Variants in ARAP2 observed in about 807,000 individuals in gnomAD.
ARAP2 encodes ArfGAP with RhoGAP domain, ankyrin repeat and PH domain 2.
ARAP2 carries 148 observed loss-of-function variants against 194.5 expected under a neutral mutation model. The observed-to-expected ratio is 0.76, with a 90% CI of 0.67 to 0.87. ARAP2 has a LOEUF of 0.87. Among genes scored for constraint, ARAP2 ranks in the 40% least tolerant of loss-of-function variants. ARAP2 has a pLI of 0.00. For synonymous variants in ARAP2, 695 were observed against 683.5 expected (o/e 1.02, Z -0.26); for missense variants, 2,128 against 1,989.7 (o/e 1.07, Z -1.32).
At chr4:36,062,748 A>G (rs569484038), downstream of ARAP2, among the ~76,000 whole-genome samples, 1 of 152,214 alleles carries the variant, frequency 6.6e-6, no homozygotes, top group East Asian at 1.9e-4. Flanking sequence ...TTAACTCATA[A>G]AAAGGGTTAA....
Position 36,164,949 on chromosome 4 carries a change from A to C in ARAP2, c.2138T>G (p.Ile713Ser). ...CKAPDPDWAS[I>S]NLCVVICKKC... ...CTTACAGATGACAACACAGAGATTGATGGATGCCCAGTCAGGATCTGGGGC... is the reference window on the plus strand; with the variant it reads ...CTTACAGATGACAACACAGAGATTGCTGGATGCCCAGTCAGGATCTGGGGC... The change falls in exon 11 of 33, where the codon ATC becomes AGC. Residue 713 changes from isoleucine to serine, a missense_variant. Coordinates refer to ENST00000303965, the MANE Select transcript of ARAP2 (RefSeq NM_015230.4). 7.4e-6 allele frequency: 12 copies of C among 1,614,092 alleles called. No homozygotes were observed. Among genetic ancestry groups the C allele is most frequent in the Non-Finnish European group, 1.0e-5 (12 of 1,179,942 alleles).
intron 6 of ARAP2, among the ~76,000 whole-genome samples, chr4:36,202,063 C>A (rs754731216): frequency 1.2e-4 from 18 of 152,154 alleles, no homozygotes; most frequent in Non-Finnish European, 2.2e-4. Context: ...GTTCCAGATT[C>A]ATCTGCCTTG....
At chr4:36,115,103 G>C (rs572670057) in intron 25 of ARAP2, among the ~76,000 whole-genome samples, 46 of 152,038 alleles carry the variant, frequency 3.0e-4, no homozygotes, top group African/African-American at 1.1e-3. Flanking sequence ...CTTTAGAAAT[G>C]TATTTGTTTC....
At position 36,150,176 on chromosome 4, in the gene ARAP2, CTAAA is replaced by C. The variant is rs758726248; in HGVS notation, c.2897+720_2897+723del. Among the ~76,000 whole-genome samples, 11 of 152,272 alleles carry C rather than the reference CTAAA, an allele frequency of 7.2e-5. No individual in the cohort carries two copies. The East Asian group carries it at 1.9e-3, about 27-fold the overall frequency. ...AGAAATTTAGCATTTCAATATGCTA[CTAAA>C]TATTGTTTATTTTAATGTGAACAGA... On this transcript the variant is annotated intron_variant, in intron 16 of 32. Coordinates refer to ENST00000303965, the MANE Select transcript of ARAP2 (RefSeq NM_015230.4).
At chr4:36,217,017 C>G (rs1748074252) in intron 2 of ARAP2, among the ~76,000 whole-genome samples, 1 of 152,178 alleles carries the variant, frequency 6.6e-6, no homozygotes. Context: ...CATATTCTAT[C>G]TTATTCTATA....
At chr4:36,172,977 G>A (rs1177825380) in intron 9 of ARAP2, among the ~76,000 whole-genome samples, 1 of 152,118 alleles carries the variant, frequency 6.6e-6, no homozygotes, top group Admixed American at 6.5e-5. Context: ...TCCCATGCCA[G>A]AACACCAGGG....
intron 31 of ARAP2, among the ~76,000 whole-genome samples, chr4:36,078,031 G>A (rs979220883): frequency 6.6e-6 from 1 of 151,964 alleles, no homozygotes; most frequent in Non-Finnish European, 1.5e-5. Context: ...CTCCTTACCT[G>A]CCATATTTTA....
At chr4:36,219,587 T>C (rs1007397738) in intron 2 of ARAP2, among the ~76,000 whole-genome samples, 5 of 152,310 alleles carry the variant, frequency 3.3e-5, no homozygotes, top group African/African-American at 1.2e-4. Flanking sequence ...TTAATTGTTA[T>C]AGTGGTCACA....
chr4:36,208,744 C>A (rs547224407), intron 6 of ARAP2, among the ~76,000 whole-genome samples: 4 of 151,628 alleles, frequency 2.6e-5, no homozygotes, highest in Non-Finnish European at 5.9e-5. Context: ...AATATAATCA[C>A]GTAGAAGTGT....
At chr4:36,072,063 GA>G in intron 32 of ARAP2, among the ~76,000 whole-genome samples, 1 of 151,944 alleles carries the variant, frequency 6.6e-6, no homozygotes, top group African/African-American at 2.4e-5. Flanking sequence ...ATTTTTATAT[GA>G]ATCTAATATT....
chr4:36,128,251 T>G (rs1724441086), intron 21 of ARAP2, among the ~76,000 whole-genome samples: 1 of 151,940 alleles, frequency 6.6e-6, no homozygotes, highest in Non-Finnish European at 1.5e-5. Context: ...ATTCCAAAGT[T>G]GAAGCAAAGT....
Position 36,213,274 on chromosome 4 carries a change from G to T in ARAP2, c.1010C>A (p.Thr337Asn), listed in dbSNP as rs1452192099. ...ATTTTCTAGTCTCTGGAAGAGAAAG[G>T]TCTCTCCATAAGGAAAGATGGAAGA... ...NSSSIFPYGE[T>N]FLFQRLENSK... The change falls in exon 4 of 33, where the codon ACC (threonine) becomes AAC (asparagine). Residue 337 changes from threonine to asparagine, a missense_variant. By Grantham distance (65) the Thr-to-Asn change is moderately conservative. Transcript: ENST00000303965. The T allele has an allele frequency of 3.7e-6, 6 of 1,608,108 alleles. No homozygotes were observed. The highest frequency in any genetic ancestry group is 5.1e-6 in the Non-Finnish European group (6 of 1,175,054).
intron 9 of ARAP2, among the ~76,000 whole-genome samples, chr4:36,175,737 G>A (rs533256519): frequency 1.3e-5 from 2 of 152,152 alleles, no homozygotes; most frequent in South Asian, 2.1e-4. Flanking sequence ...AGATGGAGAG[G>A]GGTTCAGCCT....
chr4:36,225,584 G>A (rs1205016598), intron 2 of ARAP2, among the ~76,000 whole-genome samples: 7 of 152,076 alleles, frequency 4.6e-5, no homozygotes, highest in Non-Finnish European at 1.0e-4. Context: ...CAGCCCTCCA[G>A]TTAAAAGGAG....
At chr4:36,064,299 T>A (rs1220670355), downstream of ARAP2, among the ~76,000 whole-genome samples, 2 of 152,016 alleles carry the variant, frequency 1.3e-5, no homozygotes, top group East Asian at 3.9e-4. Flanking sequence ...TTCTCCTCCT[T>A]AGAGGTGGAA....
chr4:36,009,567 G>A (rs1482688078), intron 9 of ARAP2, among the ~76,000 whole-genome samples: 1 of 151,998 alleles, frequency 6.6e-6, no homozygotes, highest in Non-Finnish European at 1.5e-5. Context: ...CACTACCTGG[G>A]TGACAGATTC....
At chr4:36,077,637 T>C (rs1728550496) in intron 31 of ARAP2, among the ~76,000 whole-genome samples, 1 of 152,138 alleles carries the variant, frequency 6.6e-6, no homozygotes, top group African/African-American at 2.4e-5. Flanking sequence ...TGAGTTGACA[T>C]CTTCTTTCCT....
At chr4:36,032,961 A>G (rs1416747742) in intron 5 of ARAP2, among the ~76,000 whole-genome samples, 1 of 152,204 alleles carries the variant, frequency 6.6e-6, no homozygotes, top group Non-Finnish European at 1.5e-5. Flanking sequence ...TTTGATAAGT[A>G]TACTGATGTC....
At chr4:36,039,642 G>A (rs778745368) in intron 5 of ARAP2, among the ~76,000 whole-genome samples, 1 of 152,118 alleles carries the variant, frequency 6.6e-6, no homozygotes, top group Admixed American at 6.6e-5. Flanking sequence ...GCCTTGTGAC[G>A]ATCATTTGAG....
Sources: allele counts gnomAD v4.1 joint callset (sites outside exome capture counted in the v4.1 genomes callset), GRCh38; gene constraint gnomAD v4.1.1; transcripts MANE v1.5; gene names NCBI Gene and HGNC (gene_info 2026-07-23, HGNC 2026-07-21).